The following SLIT3 variants were observed in gnomAD, a reference collection of about 807,000 sequenced individuals.
SLIT3 encodes slit guidance ligand 3, also known as slit homolog 3 protein.
Under a neutral mutation model 184.0 loss-of-function variants are expected in SLIT3, and 68 were observed. The observed-to-expected ratio is 0.37, with a 90% CI of 0.30 to 0.45. SLIT3 has a LOEUF of 0.45. SLIT3 is among the 20% of genes least tolerant of loss of function. SLIT3 has a pLI of 1.00. For synonymous variants in SLIT3, 831 were observed against 828.6 expected (o/e 1.00, Z -0.05); for missense variants, 1,707 against 2,026.0 (o/e 0.84, Z 3.02).
chr5:169,068,842 C>CAAAAAA (rs5873146), intron 4 of SLIT3, among the ~76,000 whole-genome samples: 1 of 149,602 alleles, frequency 6.7e-6, no homozygotes, highest in Non-Finnish European at 1.5e-5. Context: ...TTAAAAGCCT[C>CAAAAAA]AAAAAAAAAA....
intron 5 of SLIT3, among the ~76,000 whole-genome samples, chr5:168,867,362 T>C (rs1259716493): frequency 6.6e-6 from 1 of 152,194 alleles, no homozygotes; most frequent in African/African-American, 2.4e-5. Flanking sequence ...AGAGTCGAGA[T>C]GGTGCTGGTG....
Position 168,870,588 on chromosome 5 carries a change from C to T in SLIT3, c.485+12677G>A, listed in dbSNP as rs538344210. 1.1e-3 allele frequency among the ~76,000 whole-genome samples: 162 copies of T among 152,278 alleles called. 1 individual carries two copies. Among genetic ancestry groups the T allele is most frequent in the African/African-American group, 3.6e-3 (149 of 41,558 alleles). On this transcript the variant is annotated intron_variant, in intron 5 of 35. Transcript: ENST00000519560. ...TGGTGCTGGCTTCTTGACCCTGCCA[C>T]GGAATTTTACCTCAATGACAAAACC...
In SLIT3 at chr5:169,244,686, G is replaced by A. The variant is rs1346529515; in HGVS notation, c.341+19C>T. The A allele has an allele frequency of 5.0e-6, 8 of 1,601,306 alleles. No individual in the cohort carries two copies. The highest frequency in any genetic ancestry group is 2.2e-5 in the East Asian group (1 of 44,790). On this transcript the variant is annotated intron_variant, in intron 3 of 35. Coordinates refer to ENST00000519560, the MANE Select transcript of SLIT3 (RefSeq NM_003062.4). The stretch of plus-strand genomic sequence containing the variant: ...AATGTAAATAAATACTTTAAGAAAG[G>A]AGGCTGTACTGTACTTACAGTCGCT...
Position 168,710,904 on chromosome 5 carries a change from G to C in SLIT3, c.2710C>G (p.Gln904Glu). 6.5e-7 allele frequency: 1 copy of C among 1,546,236 alleles called. No homozygotes were observed. The change falls in exon 25 of 36, where the codon CAG becomes GAG. Residue 904 changes from glutamine (Q) to glutamate (E), a missense_variant. Gln to Glu is a conservative substitution (Grantham distance 29). Coordinates refer to ENST00000519560, the MANE Select transcript of SLIT3 (RefSeq NM_003062.4). ...TGTGGGCGTCACCTACCTTTGCACT[G>C]GAAGCGGTGGGTTGGGGTGGTGAGC... ...LLLTTPTHRF[Q>E]CKGPVDINIV... is the part of the protein sequence containing the mutation.
chr5:169,140,746 G>C (rs941363069), intron 4 of SLIT3, among the ~76,000 whole-genome samples: 2 of 152,152 alleles, frequency 1.3e-5, no homozygotes, highest in Non-Finnish European at 2.9e-5. Context: ...GCTGCAGTGA[G>C]CCATGATCAC....
At chr5:168,725,947 T>G (rs1365144466) in intron 20 of SLIT3, among the ~76,000 whole-genome samples, 1 of 152,174 alleles carries the variant, frequency 6.6e-6, no homozygotes, top group Non-Finnish European at 1.5e-5. Flanking sequence ...CAAGTAACTT[T>G]CCTCCTATGG....
chr5:168,861,336 G>C (rs976342995), intron 5 of SLIT3, among the ~76,000 whole-genome samples: 1 of 151,288 alleles, frequency 6.6e-6, no homozygotes, highest in Non-Finnish European at 1.5e-5. Flanking sequence ...GCCCTCTCTA[G>C]CTTGGTAAGT....
intron 30 of SLIT3, 95 bp from the exon 31 acceptor site, chr5:168,686,022 AGAGT>A: frequency 1.6e-5 from 22 of 1,369,218 alleles, no homozygotes; most frequent in Non-Finnish European, 2.1e-5. Flanking sequence ...GCAGAGAGGT[AGAGT>A]GAGATGGGAA....
intron 5 of SLIT3, among the ~76,000 whole-genome samples, chr5:168,861,182 G>A (rs1157702330): frequency 6.6e-6 from 1 of 152,148 alleles, no homozygotes; most frequent in Non-Finnish European, 1.5e-5. Flanking sequence ...ATGTATACAT[G>A]TGCCATGTTG....
chr5:168,849,014 C>T (rs1052459602), intron 5 of SLIT3, among the ~76,000 whole-genome samples: 48 of 151,756 alleles, frequency 3.2e-4, no homozygotes, highest in Non-Finnish European at 8.8e-5. Flanking sequence ...TATCTCCCAA[C>T]AGTAACCAAA....
chr5:169,033,117 G>A (rs147446890), intron 4 of SLIT3, among the ~76,000 whole-genome samples: 1 of 151,518 alleles, frequency 6.6e-6, no homozygotes, highest in East Asian at 1.9e-4. Flanking sequence ...CCCCTGCCTG[G>A]TAATCACTGT....
intron 4 of SLIT3, among the ~76,000 whole-genome samples, chr5:168,999,088 T>C (rs1027129217): frequency 1.3e-5 from 2 of 152,126 alleles, no homozygotes; most frequent in South Asian, 2.1e-4. Context: ...TATTTTTAAA[T>C]TTGTTTTTTT....
chr5:168,906,123 C>T (rs1324565684), intron 4 of SLIT3, among the ~76,000 whole-genome samples: 1 of 152,124 alleles, frequency 6.6e-6, no homozygotes, highest in Non-Finnish European at 1.5e-5. Context: ...ACATTCCTCT[C>T]CCCACCTTGC....
At chr5:169,210,890 T>C (rs757067648) in intron 3 of SLIT3, among the ~76,000 whole-genome samples, 3 of 152,198 alleles carry the variant, frequency 2.0e-5, no homozygotes, top group Non-Finnish European at 4.4e-5. Flanking sequence ...GTGGGAAGTA[T>C]ATATTTCCAT....
At chr5:169,209,945 TAA>T (rs142411571) in intron 3 of SLIT3, among the ~76,000 whole-genome samples, 1 of 151,698 alleles carries the variant, frequency 6.6e-6, no homozygotes, top group African/African-American at 2.4e-5. Flanking sequence ...TAAAGTATAA[TAA>T]AAAAAAATTA....
intron 8 of SLIT3, among the ~76,000 whole-genome samples, chr5:168,813,214 G>A (rs1220170209): frequency 2.6e-5 from 4 of 151,552 alleles, no homozygotes; most frequent in African/African-American, 9.7e-5. Flanking sequence ...TACAAATTGC[G>A]ACTGGTAGAA....
chr5:169,276,119 G>A (rs755062), intron 1 of SLIT3, among the ~76,000 whole-genome samples: 46,890 of 151,950 alleles, frequency 0.31, 7,808 homozygotes, highest in Middle Eastern at 0.4. Flanking sequence ...AACGCTACAC[G>A]AAATTCACAT....
intron 20 of SLIT3, among the ~76,000 whole-genome samples, chr5:168,742,091 C>T (rs1409066990): frequency 1.6e-5 from 2 of 124,094 alleles, no homozygotes; most frequent in Non-Finnish European, 3.3e-5. Flanking sequence ...ATGCCCTGGA[C>T]AGAGGCCCTG....
In SLIT3 at chr5:168,883,315, G is replaced by A. The variant is rs748156668; in HGVS notation, c.435C>T (p.Ile145=). The change falls in exon 5 of 36, where the codon ATC becomes ATT. Residue 145 remains isoleucine (I), a synonymous_variant. Transcript: ENST00000519560. ...LTRLDLSENQ[I]QGIPRKAFRG... Reference sequence around the variant, plus strand: ...GGAACGCCTTCCTCGGGATCCCCTGGATCTGGTTTTCACTCAAATCTCTAA... The same window carrying A: ...GGAACGCCTTCCTCGGGATCCCCTGAATCTGGTTTTCACTCAAATCTCTAA... 16 of 1,613,974 alleles carry A rather than the reference G, an allele frequency of 9.9e-6. No homozygotes were observed. Among genetic ancestry groups the A allele is most frequent in the Non-Finnish European group, 1.3e-5 (15 of 1,179,882 alleles).
Sources: allele counts gnomAD v4.1 joint callset (sites outside exome capture counted in the v4.1 genomes callset), GRCh38; gene constraint gnomAD v4.1.1; transcripts MANE v1.5; gene names NCBI Gene and HGNC (gene_info 2026-07-23, HGNC 2026-07-21).